The following ZNF800 variants were observed in gnomAD, a reference collection of about 807,000 sequenced individuals.
The protein encoded by ZNF800 is zinc finger protein 800.
Under a neutral mutation model 59.5 loss-of-function variants are expected in ZNF800, and 13 were observed. The observed-to-expected ratio is 0.22, with a 90% CI of 0.14 to 0.35. The LOEUF (loss-of-function observed/expected upper bound fraction) is 0.35, where lower values mean the gene tolerates loss of function less well. Among genes scored for constraint, ZNF800 ranks in the 10% least tolerant of loss-of-function variants. ZNF800 has a pLI of 1.00. For synonymous variants in ZNF800, 266 were observed against 265.7 expected (o/e 1.00, Z -0.01); for missense variants, 621 against 783.7 (o/e 0.79, Z 2.48).
At chr7:127,344,713 T>G (rs572637558), downstream of ZNF800, among the ~76,000 whole-genome samples, 188 of 152,186 alleles carry the variant, frequency 1.2e-3, no homozygotes, top group African/African-American at 4.3e-3. Flanking sequence ...CCGCTCCAAG[T>G]GTGTGTAGGA....
rs1311578212 is a variant in ZNF800 at position 127,370,900 on chromosome 7, C to T, written c.*914G>A. 1 of 152,456 alleles carries T rather than the reference C, an allele frequency of 6.6e-6. No homozygotes were observed. The highest frequency in any genetic ancestry group is 1.5e-5 in the Non-Finnish European group (1 of 67,938). The allele number at this position is 152,456 out of a possible 1,614,324, so 9.4% of individuals were successfully genotyped here. A position where few individuals can be genotyped will look rare whatever the true frequency, so the allele number is the denominator to read the frequency against. ...TGGGAGAAAAAAAAATCAGGGCTTACACCCGCATCTTCCTTTTGTAGCAAT... is the reference window on the plus strand; with the variant it reads ...TGGGAGAAAAAAAAATCAGGGCTTATACCCGCATCTTCCTTTTGTAGCAAT... On this transcript the variant is annotated 3_prime_UTR_variant, in exon 6 of 6. Coordinates refer to ENST00000265827, the MANE Select transcript of ZNF800 (RefSeq NM_176814.5).
chr7:127,372,906 T>C (rs1409058743), intron 5 of ZNF800: 3 of 984,846 alleles, frequency 3.0e-6, no homozygotes, highest in East Asian at 2.3e-4. Context: ...TTTCCTATAG[T>C]TATCGCCTTC....
intron 1 of ZNF800, among the ~76,000 whole-genome samples, chr7:127,356,569 A>G (rs1800275006): frequency 6.6e-6 from 1 of 150,998 alleles, no homozygotes; most frequent in African/African-American, 2.4e-5. Flanking sequence ...CTTGCCAGGA[A>G]AAAAAAAATG....
chr7:127,382,003 A>C (rs1054341447), intron 3 of ZNF800, among the ~76,000 whole-genome samples: 1 of 152,146 alleles, frequency 6.6e-6, no homozygotes, highest in Non-Finnish European at 1.5e-5. Flanking sequence ...ACATGAAGCT[A>C]ATTCTCATTT....
At position 127,373,671 on chromosome 7, in the gene ZNF800, A is replaced by G. The variant is rs772715607; in HGVS notation, c.1665T>C (p.Ser555=). The change falls in exon 5 of 6, where the codon AGT becomes AGC. Residue 555 remains serine (S), a synonymous_variant. Transcript: ENST00000265827. ...GCTTTTTTATAGCTCTGATCTCTAA[A>G]CTGGCTGTTATTTTCCCAAGATAAC... ...SSRYLGKITA[S]LEIRAIKKPI... 1 of 1,614,128 alleles carries G rather than the reference A, an allele frequency of 6.2e-7. No individual in the cohort carries two copies. Among genetic ancestry groups the G allele is most frequent in the Non-Finnish European group, 8.5e-7 (1 of 1,180,020 alleles).
chr7:127,379,833 G>GCCCCCCC (rs1184865878), intron 3 of ZNF800, among the ~76,000 whole-genome samples: 8 of 12,698 alleles, frequency 6.3e-4, no homozygotes, highest in Non-Finnish European at 8.7e-4. Flanking sequence ...CCTTACCCTT[G>GCCCCCCC]CCACCCCCCC....
chr7:127,377,128 T>C lies in ZNF800; in HGVS notation c.301+58A>G, dbSNP rs1800809172. On this transcript the variant is annotated intron_variant, in intron 4 of 5. Transcript: ENST00000265827. This position sits in a 1 kb window ranked among gnomAD's most constrained non-coding sequence, Gnocchi z 4.7. ...TACAATTTTAATGCAAATGTATACTTGCAGTATAAGAATACTTAGCTGTAA... is the reference window on the plus strand; with the variant it reads ...TACAATTTTAATGCAAATGTATACTCGCAGTATAAGAATACTTAGCTGTAA... 7 of 1,411,376 alleles carry C rather than the reference T, an allele frequency of 5.0e-6. No individual in the cohort carries two copies. Among genetic ancestry groups the C allele is most frequent in the Non-Finnish European group, 6.8e-6 (7 of 1,035,540 alleles). The allele number at this position is 1,411,376 out of a possible 1,614,324, so 87.4% of individuals were successfully genotyped here.
Position 127,373,952 on chromosome 7 carries a change from T to C in ZNF800, c.1384A>G (p.Ser462Gly). Residue 462 changes from serine (S) to glycine (G), a missense_variant, in exon 5 of 6, where the codon AGT (serine) becomes GGT (glycine). This residue lies in a region of ZNF800 where 185 missense variants were observed against 177.6 expected (regional missense o/e 1.04). Coordinates refer to ENST00000265827, the MANE Select transcript of ZNF800 (RefSeq NM_176814.5). ...TGCTGGCCACCTGCAGCCGACGGACTAGTTGATTTAGGGCTTTCAGAGTCT... is the reference window on the plus strand; with the variant it reads ...TGCTGGCCACCTGCAGCCGACGGACCAGTTGATTTAGGGCTTTCAGAGTCT... ...KQDSESPKSTSPSAAGGQQKT... is the reference protein window; with the variant it reads ...KQDSESPKSTGPSAAGGQQKT... 6.2e-7 allele frequency: 1 copy of C among 1,614,198 alleles called. No individual in the cohort carries two copies. Among genetic ancestry groups the C allele is most frequent in the Non-Finnish European group, 8.5e-7 (1 of 1,180,036 alleles).
In ZNF800 at chr7:127,371,279, T is replaced by C. The variant is rs1800625757; in HGVS notation, c.*535A>G. The C allele has an allele frequency of 1.3e-5, 2 of 152,582 alleles. No individual in the cohort carries two copies. Among genetic ancestry groups the C allele is most frequent in the African/African-American group, 2.4e-5 (1 of 41,428 alleles). 9.5% of individuals were successfully genotyped at this position (152,582 alleles called of 1,614,324 possible). On this transcript the variant is annotated 3_prime_UTR_variant, in exon 6 of 6. Coordinates refer to ENST00000265827, the MANE Select transcript of ZNF800 (RefSeq NM_176814.5). ...TAGAAATAAATGGATGTAAAAATAA[T>C]TACAAATATTTAGTAAGCTAAATAT...
At position 127,377,164 on chromosome 7, in the gene ZNF800, T is replaced by G. The variant is rs559457123; in HGVS notation, c.301+22A>C. 1.3e-6 allele frequency: 2 copies of G among 1,595,800 alleles called. No homozygotes were observed. Among genetic ancestry groups the G allele is most frequent in the Non-Finnish European group, 1.7e-6 (2 of 1,172,158 alleles). Reference sequence around the variant, plus strand: ...AATACTTAGCTGTAAAATGCATAACTGAGTATATGAATAAAACTTACTGTC... The same window carrying G: ...AATACTTAGCTGTAAAATGCATAACGGAGTATATGAATAAAACTTACTGTC... On this transcript the variant is annotated intron_variant, in intron 4 of 5. Transcript: ENST00000265827. The surrounding 1 kb of genome is among the most constrained non-coding windows in gnomAD (Gnocchi z 4.7).
chr7:127,348,761 A>G (rs1325672953), intron 1 of ZNF800, among the ~76,000 whole-genome samples: 4 of 152,204 alleles, frequency 2.6e-5, no homozygotes, highest in African/African-American at 9.7e-5. Flanking sequence ...CAAATTTCAT[A>G]CAAGTTTGTT....
chr7:127,382,477 G>A (rs1402036379), intron 3 of ZNF800, among the ~76,000 whole-genome samples: 1 of 152,104 alleles, frequency 6.6e-6, no homozygotes, highest in East Asian at 1.9e-4. Flanking sequence ...TAGAGAGGAG[G>A]GAAATTTGAA....
In ZNF800 at chr7:127,374,170, G is replaced by T. The variant is rs182264298; in HGVS notation, c.1166C>A (p.Thr389Lys). The change falls in exon 5 of 6, where the codon ACA becomes AAA. Residue 389 changes from threonine (T) to lysine (K), a missense_variant. Physicochemically the swap from Thr to Lys is moderately conservative, Grantham distance 78. Transcript: ENST00000265827. ...QIVHKITLSGTNSKREKGPNN... is the reference protein window; with the variant it reads ...QIVHKITLSGKNSKREKGPNN... ...AGGGCCTTTTTCTCTTTTAGAGTTT[G>T]TTCCAGAAAGAGTTATCTTGTGGAC... is the stretch of plus-strand genomic sequence containing the variant. 29 of 1,613,680 alleles carry T rather than the reference G, an allele frequency of 1.8e-5. No homozygotes were observed. Among genetic ancestry groups the T allele is most frequent in the Non-Finnish European group, 2.3e-5 (27 of 1,179,908 alleles).
chr7:127,364,706 T>C (rs1365862831), intron 1 of ZNF800: 2 of 151,996 alleles, frequency 1.3e-5, no homozygotes, highest in South Asian at 2.1e-4. Flanking sequence ...TCCAGTGAAG[T>C]AGACAGGCAA....
chr7:127,358,375 C>T lies in ZNF800; in HGVS notation n.225-10332G>A, dbSNP rs138806214. On this transcript the variant is annotated intron_variant and non_coding_transcript_variant, in intron 1 of 1. Transcript: ENST00000485577. ...GTCTCATTGCCAAAACCCGAATTTACGTCCTATCACTCTTACTTAGACTTC... is the reference window on the plus strand; with the variant it reads ...GTCTCATTGCCAAAACCCGAATTTATGTCCTATCACTCTTACTTAGACTTC... Among the ~76,000 whole-genome samples the T allele has an allele frequency of 2.2e-3, 341 of 151,990 alleles. 1 individual carries two copies. Among genetic ancestry groups the T allele is most frequent in the Middle Eastern group, 6.8e-3 (2 of 294 alleles).
chr7:127,384,139 T>A (rs1801057828), intron 3 of ZNF800, among the ~76,000 whole-genome samples: 1 of 151,688 alleles, frequency 6.6e-6, no homozygotes, highest in Admixed American at 6.5e-5. Context: ...TTTAATTCTG[T>A]ACCCACACAG....
Position 127,374,770 on chromosome 7 carries a change from T to C in ZNF800, c.566A>G (p.Glu189Gly), listed in dbSNP as rs376725451. The C allele has an allele frequency of 2.5e-6, 4 of 1,613,656 alleles. No homozygotes were observed. The African/African-American group carries it at 5.3e-5, about 22-fold the overall frequency. The change falls in exon 5 of 6, where the codon GAA becomes GGA. Residue 189 changes from glutamate to glycine, a missense_variant. Glu to Gly is a moderately conservative substitution (Grantham distance 98). Around this residue, in one of 7 missense-constraint regions of ZNF800, gnomAD observed 218 missense variants for 230.8 expected, o/e 0.94. Transcript: ENST00000265827. The part of the protein sequence containing the change: ...KTVPVTDTEV[E>G]TVEPPPVEIV... ...CTCAACAGGAGGGGGCTCTACAGTT[T>C]CCACCTCTGTATCTGTAACCGGTAC...
intron 1 of ZNF800, 36 bp from the exon 2 acceptor site, chr7:127,391,651 A>G: frequency 8.6e-7 from 1 of 1,167,732 alleles, no homozygotes; most frequent in Non-Finnish European, 1.3e-6. Context: ...ACTCGCCCTG[A>G]ACTTCCTGGG....
At position 127,392,297 on chromosome 7, in the gene ZNF800, T is replaced by C. The variant is rs1174961806; in HGVS notation, c.-296A>G. On this transcript the variant is annotated 5_prime_UTR_variant, in exon 1 of 6. Coordinates refer to ENST00000265827, the MANE Select transcript of ZNF800 (RefSeq NM_176814.5). Reference sequence around the variant, plus strand: ...GGGCCGAGACGACTGCGGCGGCGGCTCACGGCGTCCTCCGCGCTGTGTGGC... The same window carrying C: ...GGGCCGAGACGACTGCGGCGGCGGCCCACGGCGTCCTCCGCGCTGTGTGGC... 6 of 388,564 alleles carry C rather than the reference T, an allele frequency of 1.5e-5. No homozygotes were observed. Among genetic ancestry groups the C allele is most frequent in the Non-Finnish European group, 2.7e-5 (6 of 219,640 alleles). 24.1% of individuals were successfully genotyped at this position (388,564 alleles called of 1,614,324 possible).
Sources: allele counts gnomAD v4.1 joint callset (sites outside exome capture counted in the v4.1 genomes callset), GRCh38; gene constraint gnomAD v4.1.1; regional missense constraint gnomAD v4.1.1; non-coding constraint Gnocchi (gnomAD v3.1); transcripts MANE v1.5; gene names NCBI Gene and HGNC (gene_info 2026-07-23, HGNC 2026-07-21).